Variants in DEK observed in about 807,000 individuals in gnomAD.
DEK encodes the protein protein DEK.
In DEK, 28 loss-of-function variants were observed where a neutral mutation model predicts 46.8. That is an observed-to-expected ratio of 0.60 (90% CI 0.44 to 0.82). The LOEUF is 0.82. Among genes scored for constraint, DEK ranks in the 40% least tolerant of loss-of-function variants. The pLI is 0.00. For missense variants in DEK, 416 were observed against 430.6 expected (o/e 0.97, Z 0.30); for synonymous variants, 160 against 144.5 (o/e 1.11, Z -0.77).
chr6:18,264,005 G>A lies in DEK; in HGVS notation c.-9-9C>T. The A allele has an allele frequency of 1.9e-6, 3 of 1,591,414 alleles. No homozygotes were observed. Among genetic ancestry groups the A allele is most frequent in the African/African-American group, 1.4e-5 (1 of 73,896 alleles). ...GCGGACATGCTGTGAACCTGCATGC[G>A]GGAAGAAAGCCGGACGTCTCGGTCC... On this transcript the variant is annotated splice_polypyrimidine_tract_variant and intron_variant, in intron 1 of 10. Coordinates refer to ENST00000652689, the MANE Select transcript of DEK (RefSeq NM_003472.4).
intron 9 of DEK, among the ~76,000 whole-genome samples, chr6:18,232,562 C>T (rs1198730955): frequency 6.6e-6 from 1 of 152,100 alleles, no homozygotes; most frequent in Non-Finnish European, 1.5e-5. Context: ...CATTCCTATA[C>T]ACCCATAACA....
intron 9 of DEK, among the ~76,000 whole-genome samples, chr6:18,229,598 C>T (rs1253814132): frequency 6.6e-6 from 1 of 152,000 alleles, no homozygotes; most frequent in Non-Finnish European, 1.5e-5. Context: ...CTTCAGTAGC[C>T]GATTCGATCA....
chr6:18,258,810 G>A (rs937233848), intron 2 of DEK, among the ~76,000 whole-genome samples: 6 of 152,084 alleles, frequency 3.9e-5, no homozygotes, highest in African/African-American at 1.4e-4. Context: ...AATTTAGACT[G>A]GGAGATTAAG....
chr6:18,254,633 A>G (rs1186438773), intron 6 of DEK, among the ~76,000 whole-genome samples: 1 of 152,194 alleles, frequency 6.6e-6, no homozygotes, highest in East Asian at 1.9e-4. Context: ...CCTGAAACCA[A>G]TAAATTGGAA....
Position 18,264,418 on chromosome 6 carries a change from A to G in DEK, c.-43T>C. 3.9e-6 allele frequency: 1 copy of G among 257,920 alleles called. No individual in the cohort carries two copies. The highest frequency in any genetic ancestry group is 3.2e-5 in the South Asian group (1 of 31,010). 16.0% of individuals were successfully genotyped at this position (257,920 alleles called of 1,614,324 possible). A position where few individuals can be genotyped will look rare whatever the true frequency, so the allele number is the denominator to read the frequency against. ...TCGGCCGCCGCGGGCCTGGCACGCG[A>G]GGGCACGAGGAGGTTCTGGGAGGCG... On this transcript the variant is annotated 5_prime_UTR_variant, in exon 1 of 11. Coordinates refer to ENST00000652689, the MANE Select transcript of DEK (RefSeq NM_003472.4).
intron 7 of DEK, among the ~76,000 whole-genome samples, chr6:18,239,617 T>G (rs1371117442): frequency 3.3e-5 from 5 of 152,154 alleles, no homozygotes; most frequent in Non-Finnish European, 7.4e-5. Context: ...ATTTTTAAGG[T>G]GTCAAGGGGC....
intron 7 of DEK, among the ~76,000 whole-genome samples, chr6:18,245,834 T>C (rs991795572): frequency 4.4e-4 from 67 of 152,386 alleles, no homozygotes; most frequent in African/African-American, 1.5e-3. Flanking sequence ...ATCCCCACGT[T>C]GTGGGAGGGA....
chr6:18,228,165 T>A (rs1790220971), intron 9 of DEK, among the ~76,000 whole-genome samples: 1 of 152,146 alleles, frequency 6.6e-6, no homozygotes, highest in African/African-American at 2.4e-5. Flanking sequence ...TAGTTTCAAT[T>A]TTGCCAGTCA....
chr6:18,259,381 C>A, intron 2 of DEK, among the ~76,000 whole-genome samples: 1 of 81,290 alleles, frequency 1.2e-5, no homozygotes, highest in Non-Finnish European at 2.3e-5. Context: ...GGCGACACAG[C>A]AAGACTCCGT....
intron 6 of DEK, 41 bp downstream of exon 6, chr6:18,255,690 T>C (rs774720207): frequency 3.8e-6 from 6 of 1,575,516 alleles, no homozygotes; most frequent in African/African-American, 2.7e-5. Flanking sequence ...AAAGAGGCTA[T>C]GAATAACTGA....
intron 9 of DEK, among the ~76,000 whole-genome samples, chr6:18,228,768 G>A (rs1312379770): frequency 3.9e-5 from 6 of 152,234 alleles, no homozygotes; most frequent in Non-Finnish European, 8.8e-5. Flanking sequence ...ACGGAGCCTC[G>A]CTCATTGCTA....
At chr6:18,251,891 A>G (rs1791390516) in intron 6 of DEK, among the ~76,000 whole-genome samples, 1 of 152,190 alleles carries the variant, frequency 6.6e-6, no homozygotes, top group Admixed American at 6.5e-5. Context: ...CAGGAAAGTG[A>G]AAAGATGTTA....
chr6:18,264,230 C>T (rs1792008965), intron 1 of DEK, 155 bp downstream of exon 1: 1 of 314,750 alleles, frequency 3.2e-6, no homozygotes, highest in Non-Finnish European at 5.7e-6. Flanking sequence ...CGTGCGCGCG[C>T]GCCCGCCCGG....
chr6:18,263,179 C>T (rs1043242582), intron 2 of DEK, among the ~76,000 whole-genome samples: 4 of 152,186 alleles, frequency 2.6e-5, no homozygotes, highest in Admixed American at 6.5e-5. Context: ...CACCTCCAGT[C>T]AAATCAGGGC....
At chr6:18,242,346 A>G (rs552125723) in intron 7 of DEK, among the ~76,000 whole-genome samples, 1 of 152,350 alleles carries the variant, frequency 6.6e-6, no homozygotes, top group Admixed American at 6.5e-5. Context: ...TGGGCAACAA[A>G]GCAAGACTCT....
intron 7 of DEK, among the ~76,000 whole-genome samples, chr6:18,238,254 A>G (rs988599784): frequency 6.6e-5 from 10 of 152,040 alleles, no homozygotes; most frequent in Non-Finnish European, 1.3e-4. Flanking sequence ...TTATGACTAT[A>G]TGAGGAAACT....
rs1561996424 is a variant in DEK at position 18,263,941 on chromosome 6, T to G, written c.47A>C (p.Gln16Pro). Residue 16 changes from glutamine (Q) to proline (P), a missense_variant, in exon 2 of 11, where the codon CAG becomes CCG. Transcript: ENST00000652689. ...TTCGGGTTCTTTCTCGGACGCGGGCTGGGTGGGGGTTCCCTCCCCCTCCGC... is the reference window on the plus strand; with the variant it reads ...TTCGGGTTCTTTCTCGGACGCGGGCGGGGTGGGGGTTCCCTCCCCCTCCGC... The part of the protein sequence containing the change: ...PAAEGEGTPT[Q>P]PASEKEPEMP... 1 of 1,613,472 alleles carries G rather than the reference T, an allele frequency of 6.2e-7. No homozygotes were observed. Among genetic ancestry groups the G allele is most frequent in the East Asian group, 2.2e-5 (1 of 44,778 alleles).
intron 7 of DEK, among the ~76,000 whole-genome samples, chr6:18,242,618 T>G (rs1030750670): frequency 5.3e-5 from 8 of 152,174 alleles, no homozygotes; most frequent in Admixed American, 6.5e-5. Flanking sequence ...TCCCAGAACC[T>G]TGGCCCATTA....
At chr6:18,260,726 C>G (rs1276976108) in intron 2 of DEK, among the ~76,000 whole-genome samples, 1 of 152,080 alleles carries the variant, frequency 6.6e-6, no homozygotes, top group Non-Finnish European at 1.5e-5. Flanking sequence ...CAGGGCCAGG[C>G]GTGGTGGCTC....
Sources: allele counts gnomAD v4.1 joint callset (sites outside exome capture counted in the v4.1 genomes callset), GRCh38; gene constraint gnomAD v4.1.1; transcripts MANE v1.5; gene names NCBI Gene and HGNC (gene_info 2026-07-23, HGNC 2026-07-21).